PKHD1: variants seen among roughly 807,000 people sequenced by gnomAD.
The protein encoded by PKHD1 is fibrocystin.
A neutral mutation model predicts 412.0 loss-of-function variants in PKHD1; 291 were observed. The observed-to-expected ratio is 0.71, with a 90% CI of 0.64 to 0.78. The LOEUF (loss-of-function observed/expected upper bound fraction) is 0.78. Ranked by LOEUF, PKHD1 falls within the 30% of genes least tolerant of loss-of-function variation. The pLI, the probability that PKHD1 is intolerant of heterozygous loss-of-function variation, is 0.00. For missense variants in PKHD1, 4,825 were observed against 4,950.7 expected (o/e 0.97, Z 0.76); for synonymous variants, 1,777 against 1,821.5 (o/e 0.98, Z 0.62).
chr6:51,970,340 C>T (rs1040614581), intron 35 of PKHD1, among the ~76,000 whole-genome samples: 1 of 152,274 alleles, frequency 6.6e-6, no homozygotes, highest in South Asian at 2.1e-4. Flanking sequence ...CTTGCAGATA[C>T]TGGATATTAG....
Position 51,716,046 on chromosome 6 carries a change from T to C in PKHD1, c.10156+28339A>G, listed in dbSNP as rs187999816. 3.2e-3 allele frequency among the ~76,000 whole-genome samples: 493 copies of C among 152,336 alleles called. 3 individuals carry two copies. Among genetic ancestry groups the C allele is most frequent in the African/African-American group, 0.011 (475 of 41,588 alleles). ...AAAAAGTGGAATTCTTCAAAATCAATTTTAAAAAAATTTAAAAAGTTACTA... is the reference window on the plus strand; with the variant it reads ...AAAAAGTGGAATTCTTCAAAATCAACTTTAAAAAAATTTAAAAAGTTACTA... On this transcript the variant is annotated intron_variant, in intron 60 of 66. Coordinates refer to ENST00000371117, the MANE Select transcript of PKHD1 (RefSeq NM_138694.4).
intron 29 of PKHD1, among the ~76,000 whole-genome samples, chr6:52,030,682 G>A (rs957743705): frequency 6.6e-6 from 1 of 152,006 alleles, no homozygotes; most frequent in Non-Finnish European, 1.5e-5. Flanking sequence ...ACTGGGAGGG[G>A]GTGGGAAGAT....
intron 60 of PKHD1, among the ~76,000 whole-genome samples, chr6:51,729,262 C>T (rs1782956390): frequency 6.6e-6 from 1 of 152,190 alleles, no homozygotes; most frequent in Admixed American, 6.5e-5. Context: ...GTCCTTAATT[C>T]TGTAGTAGAA....
rs553483618 is a variant in PKHD1, at chr6:51,815,608, CAGG to C, written c.8302+15250_8302+15252del. 5.6e-4 allele frequency among the ~76,000 whole-genome samples: 85 copies of C among 152,216 alleles called. 1 individual carries two copies. The highest frequency in any genetic ancestry group is 2.0e-3 in the African/African-American group (83 of 41,540). On this transcript the variant is annotated intron_variant, in intron 52 of 66. Transcript: ENST00000371117. ...AAGTAGAACTGGACAACAATGCATG[CAGG>C]AGAACAGCAGACGATGAGGCCAGAT...
At chr6:51,822,458 G>C (rs530146401) in intron 52 of PKHD1, among the ~76,000 whole-genome samples, 2 of 151,960 alleles carry the variant, frequency 1.3e-5, no homozygotes, top group Non-Finnish European at 2.9e-5. Flanking sequence ...ATGACTACTC[G>C]TTCTATGATA....
chr6:51,631,350 C>G (rs940294140), intron 65 of PKHD1, among the ~76,000 whole-genome samples: 3 of 152,104 alleles, frequency 2.0e-5, no homozygotes, highest in African/African-American at 7.2e-5. Flanking sequence ...CAAGGAGCTG[C>G]CTTGTAGTTA....
In PKHD1 at chr6:51,870,511, T is replaced by C. The variant is rs750406714; in HGVS notation, c.7479A>G (p.Gln2493=). The C allele has an allele frequency of 9.6e-5, 154 of 1,611,814 alleles. No individual in the cohort carries two copies. Among genetic ancestry groups the C allele is most frequent in the Non-Finnish European group, 1.2e-4 (145 of 1,178,072 alleles). ...VAIRTCSDCS[Q]GQGGFTVKTS... Reference sequence around the variant, plus strand: ...GTCTATTCAAATAATTACCTTGTCCTTGGGAACAGTCTGAACAGGTTCTAA... The same window carrying C: ...GTCTATTCAAATAATTACCTTGTCCCTGGGAACAGTCTGAACAGGTTCTAA... The change falls in exon 47 of 67, where the codon CAA becomes CAG. Residue 2493 remains glutamine, a synonymous_variant. Transcript: ENST00000371117.
chr6:51,991,314 T>C (rs1797014578), intron 35 of PKHD1, among the ~76,000 whole-genome samples: 1 of 152,196 alleles, frequency 6.6e-6, no homozygotes, highest in Non-Finnish European at 1.5e-5. Context: ...TTTATGTGTA[T>C]TGTGCTCTAA....
chr6:51,680,673 A>G (rs17667927), intron 60 of PKHD1, among the ~76,000 whole-genome samples: 2,741 of 152,194 alleles, frequency 0.018, 40 homozygotes, highest in Non-Finnish European at 0.03. Flanking sequence ...ATTTCCTATT[A>G]CAGACAGCCT....
chr6:51,773,111 C>A (rs1223906815), intron 54 of PKHD1, among the ~76,000 whole-genome samples: 1 of 152,052 alleles, frequency 6.6e-6, no homozygotes, highest in East Asian at 1.9e-4. Flanking sequence ...TACGTGACTC[C>A]AAACCATTTG....
chr6:52,053,262 G>A lies in PKHD1; in HGVS notation c.1965-11C>T, dbSNP rs1256869899. 6.2e-7 allele frequency: 1 copy of A among 1,613,896 alleles called. No individual in the cohort carries two copies. Among genetic ancestry groups the A allele is most frequent in the Admixed American group, 1.7e-5 (1 of 60,020 alleles). ...CAATCGAACTGCCAGCTGAAAAACA[G>A]CATGGAGCAGAACTGGGCTCTCAGG... On this transcript the variant is annotated splice_polypyrimidine_tract_variant and intron_variant, in intron 20 of 66. Transcript: ENST00000371117.
intron 60 of PKHD1, among the ~76,000 whole-genome samples, chr6:51,666,898 T>C (rs1773905147): frequency 6.6e-6 from 1 of 152,134 alleles, no homozygotes; most frequent in Admixed American, 6.5e-5. Flanking sequence ...GGCTCCATAG[T>C]ATTCCATGGT....
chr6:51,766,848 C>G (rs1562264766), intron 55 of PKHD1, among the ~76,000 whole-genome samples: 1 of 151,972 alleles, frequency 6.6e-6, no homozygotes, highest in Non-Finnish European at 1.5e-5. Context: ...AACTGACATG[C>G]AGAAATATTG....
intron 38 of PKHD1, among the ~76,000 whole-genome samples, chr6:51,912,159 C>T (rs1783057567): frequency 6.6e-6 from 1 of 152,112 alleles, no homozygotes; most frequent in Admixed American, 6.6e-5. Context: ...TTGTGTAAGA[C>T]AGAAGTTCTA....
chr6:51,657,413 G>C (rs911262188), intron 61 of PKHD1, among the ~76,000 whole-genome samples: 2 of 152,114 alleles, frequency 1.3e-5, no homozygotes, highest in Non-Finnish European at 2.9e-5. Flanking sequence ...AATTTGTTCA[G>C]ACATACTTAA....
intron 33 of PKHD1, among the ~76,000 whole-genome samples, chr6:52,022,079 C>A (rs1801475883): frequency 6.6e-6 from 1 of 152,252 alleles, no homozygotes; most frequent in African/African-American, 2.4e-5. Flanking sequence ...ACAGTAATTT[C>A]TTCCTTTTGA....
chr6:51,789,683 C>T (rs898389866), intron 53 of PKHD1, among the ~76,000 whole-genome samples: 1 of 152,110 alleles, frequency 6.6e-6, no homozygotes, highest in African/African-American at 2.4e-5. Flanking sequence ...ACTTCATTTC[C>T]ACCACATAAT....
chr6:51,670,748 A>G lies in PKHD1; in HGVS notation c.10157-10779T>C, dbSNP rs1413707069. On this transcript the variant is annotated intron_variant, in intron 60 of 66. Coordinates refer to ENST00000371117, the MANE Select transcript of PKHD1 (RefSeq NM_138694.4). ...GCTCTTTTAGGGCAGGCCTGGTGGT[A>G]ACAAAATCTCTCAGCATTTGCTTGT... Among the ~76,000 whole-genome samples the G allele has an allele frequency of 1.9e-4, 29 of 152,036 alleles. 3 individuals carry two copies. The highest frequency in any genetic ancestry group is 5.8e-4 in the East Asian group (3 of 5,166).
intron 50 of PKHD1, among the ~76,000 whole-genome samples, chr6:51,846,917 T>C (rs1771268108): frequency 6.6e-6 from 1 of 152,262 alleles, no homozygotes; most frequent in African/African-American, 2.4e-5. Context: ...CTCTCTACTG[T>C]TCCTCATACC....
Sources: gnomAD v4.1 joint callset for allele counts (sites outside exome capture counted in the v4.1 genomes callset) on GRCh38, gnomAD v4.1.1 for gene constraint, MANE v1.5 for transcripts, NCBI Gene and HGNC (gene_info 2026-07-23, HGNC 2026-07-21) for gene names.